The following SLC35F4 variants were observed in gnomAD, a reference collection of about 807,000 sequenced individuals.
SLC35F4 encodes solute carrier family 35 member F4, also known as chromosome 14 open reading frame 36.
A neutral mutation model predicts 44.2 loss-of-function variants in SLC35F4; 24 were observed. The observed-to-expected ratio is 0.54, with a 90% CI of 0.39 to 0.76. The LOEUF (loss-of-function observed/expected upper bound fraction) is 0.76. Ranked by LOEUF, SLC35F4 falls within the 30% of genes least tolerant of loss-of-function variation. The pLI, the probability that SLC35F4 is intolerant of heterozygous loss-of-function variation, is 0.00. For synonymous variants in SLC35F4, 238 were observed against 223.6 expected (o/e 1.06, Z -0.57); for missense variants, 562 against 586.1 (o/e 0.96, Z 0.42).
chr14:57,579,610 C>T (rs1168291535), intron 4 of SLC35F4: 4 of 152,190 alleles, frequency 2.6e-5, no homozygotes, highest in African/African-American at 9.7e-5. Flanking sequence ...TCTGACAAGG[C>T]TCTCCAGGTT....
At chr14:57,916,747 G>A (rs1353439363) in intron 1 of SLC35F4, among the ~76,000 whole-genome samples, 1 of 152,100 alleles carries the variant, frequency 6.6e-6, no homozygotes, top group African/African-American at 2.4e-5. Flanking sequence ...GGGATAATTT[G>A]TATCCCAAAC....
intron 1 of SLC35F4, among the ~76,000 whole-genome samples, chr14:57,639,061 A>C (rs186520926): frequency 1.2e-3 from 183 of 152,218 alleles, no homozygotes; most frequent in African/African-American, 4.2e-3. Context: ...TGTTACCTGT[A>C]AGTGAAGGCA....
At chr14:57,825,610 A>T (rs1390487919) in intron 1 of SLC35F4, among the ~76,000 whole-genome samples, 1 of 152,172 alleles carries the variant, frequency 6.6e-6, no homozygotes, top group East Asian at 1.9e-4. Flanking sequence ...TCCCATATCT[A>T]GAAAACCCCA....
At chr14:57,920,965 C>T (rs546731107) in intron 1 of SLC35F4, among the ~76,000 whole-genome samples, 22 of 152,290 alleles carry the variant, frequency 1.4e-4, no homozygotes, top group African/African-American at 5.1e-4. Context: ...TTACATGAAA[C>T]ATACGTACAC....
At chr14:57,866,816 T>C (rs1888174238), upstream of SLC35F4, among the ~76,000 whole-genome samples, 1 of 152,036 alleles carries the variant, frequency 6.6e-6, no homozygotes, top group Non-Finnish European at 1.5e-5. Context: ...GAGCAGAACA[T>C]CCTTGAAGCT....
intron 1 of SLC35F4, among the ~76,000 whole-genome samples, chr14:57,843,014 T>C (rs754496174): frequency 4.4e-4 from 67 of 152,148 alleles, no homozygotes; most frequent in Non-Finnish European, 2.5e-4. Context: ...GTCTCCAATT[T>C]CTTCAGTTTT....
intron 1 of SLC35F4, among the ~76,000 whole-genome samples, chr14:57,950,675 C>CTTTCTTTT (rs573848996): frequency 6.3e-5 from 8 of 127,168 alleles, no homozygotes; most frequent in African/African-American, 2.2e-4. Context: ...TTCTTTCTTT[C>CTTTCTTTT]TTTTTTTTTT....
At chr14:57,777,811 G>A (rs2077525305) in intron 1 of SLC35F4, among the ~76,000 whole-genome samples, 2 of 152,080 alleles carry the variant, frequency 1.3e-5, no homozygotes, top group South Asian at 2.1e-4. Flanking sequence ...ACAGTGGCAA[G>A]CCGGATAAAG....
chr14:57,713,423 C>G (rs576258922), intron 1 of SLC35F4, among the ~76,000 whole-genome samples: 1 of 152,238 alleles, frequency 6.6e-6, no homozygotes, highest in South Asian at 2.1e-4. Flanking sequence ...ATTTCCCCTC[C>G]CCTATCCCAT....
rs1006567918 is a variant in SLC35F4, at chr14:57,570,108, T to C, written c.934-128A>G. 4 of 768,970 alleles carry C rather than the reference T, an allele frequency of 5.2e-6. No individual in the cohort carries two copies. In the African/African-American group the frequency reaches 7.1e-5, roughly 14 times the overall value. 47.6% of individuals were successfully genotyped at this position (768,970 alleles called of 1,614,324 possible). A position where few individuals can be genotyped will look rare whatever the true frequency, so the allele number is the denominator to read the frequency against. ...CTCCATTTCTTCTTGCCCTGACATC[T>C]TCACAGCACTAGATGGGCTGTTGAG... is the stretch of plus-strand genomic sequence containing the variant. On this transcript the variant is annotated intron_variant, in intron 5 of 7. Transcript: ENST00000556826.
chr14:57,636,427 A>T (rs1192682342), intron 1 of SLC35F4, among the ~76,000 whole-genome samples: 1 of 152,144 alleles, frequency 6.6e-6, no homozygotes, highest in Non-Finnish European at 1.5e-5. Flanking sequence ...TTTAACAGCC[A>T]ATAAAGAATG....
chr14:57,683,413 C>T (rs185621386), intron 1 of SLC35F4, among the ~76,000 whole-genome samples: 3 of 152,292 alleles, frequency 2.0e-5, no homozygotes, highest in East Asian at 3.9e-4. Context: ...AATTTAGCAA[C>T]ATCTAAGAGC....
chr14:57,668,164 C>T (rs1234146469), intron 1 of SLC35F4, among the ~76,000 whole-genome samples: 1 of 150,904 alleles, frequency 6.6e-6, no homozygotes. Context: ...ATCCTTTGCC[C>T]ACTTTTTGAT....
chr14:57,598,923 G>C (rs1317579356), intron 1 of SLC35F4, among the ~76,000 whole-genome samples: 1 of 151,954 alleles, frequency 6.6e-6, no homozygotes, highest in Non-Finnish European at 1.5e-5. Context: ...GTATAGAAGG[G>C]GTAGTTGCTC....
Position 57,675,682 on chromosome 14 carries a change from A to C in SLC35F4, c.104-81558T>G, listed in dbSNP as rs892327780. 2.0e-5 allele frequency among the ~76,000 whole-genome samples: 3 copies of C among 152,010 alleles called. No individual in the cohort carries two copies. The East Asian group carries it at 5.8e-4, about 29-fold the overall frequency. On this transcript the variant is annotated intron_variant, in intron 1 of 7. Coordinates refer to ENST00000556826, the MANE Select transcript of SLC35F4 (RefSeq NM_001306087.2). ...ATATTGCTTTTATTACTTTGAGGTA[A>C]GTCCCTTCTATGACTGTTTTGTTGA...
At chr14:57,572,127 A>G in intron 4 of SLC35F4, 108 bp from the exon 5 acceptor site, 6 of 1,266,574 alleles carry the variant, frequency 4.7e-6, no homozygotes, top group Non-Finnish European at 6.6e-6. Flanking sequence ...AAACCTAATT[A>G]CCTTTTGTAC....
chr14:57,751,476 T>C lies in SLC35F4; in HGVS notation c.103+114247A>G, dbSNP rs192768670. On this transcript the variant is annotated intron_variant, in intron 1 of 7. Coordinates refer to ENST00000556826, the MANE Select transcript of SLC35F4 (RefSeq NM_001306087.2). ...ACTGTTATCCACAAATGTTCTACTA[T>C]GCTGTTTTTAAGTCATTCATTGTAC... 2.5e-3 allele frequency among the ~76,000 whole-genome samples: 374 copies of C among 152,332 alleles called. 1 individual carries two copies. The highest frequency in any genetic ancestry group is 8.1e-3 in the African/African-American group (337 of 41,592).
At chr14:57,592,146 C>A (rs1234646994) in intron 2 of SLC35F4, among the ~76,000 whole-genome samples, 1 of 152,230 alleles carries the variant, frequency 6.6e-6, no homozygotes, top group African/African-American at 2.4e-5. Flanking sequence ...TACCAGGATT[C>A]TATCCATTTC....
At chr14:57,664,397 CTATT>C (rs1414068746) in intron 1 of SLC35F4, among the ~76,000 whole-genome samples, 4 of 151,986 alleles carry the variant, frequency 2.6e-5, no homozygotes, top group African/African-American at 4.8e-5. Flanking sequence ...CAGTCCAGTT[CTATT>C]TATTTATTTA....
Sources: gnomAD v4.1 joint callset for allele counts (sites outside exome capture counted in the v4.1 genomes callset) on GRCh38, gnomAD v4.1.1 for gene constraint, MANE v1.5 for transcripts, NCBI Gene and HGNC (gene_info 2026-07-23, HGNC 2026-07-21) for gene names.